The following PREX2 variants were observed in gnomAD, a reference collection of about 807,000 sequenced individuals.
PREX2 encodes the protein phosphatidylinositol-3,4,5-trisphosphate dependent Rac exchange factor 2.
Under a neutral mutation model 203.2 loss-of-function variants are expected in PREX2, and 107 were observed. The observed-to-expected ratio is 0.53, with a 90% confidence interval of 0.45 to 0.62. The LOEUF is 0.62. Among genes scored for constraint, PREX2 ranks in the 20% least tolerant of loss-of-function variants. The probability of loss-of-function intolerance (pLI) is 0.00; values close to 1 mark genes in which losing one functional copy is unlikely to be tolerated. For synonymous variants in PREX2, 672 were observed against 663.6 expected, an observed-to-expected ratio of 1.01 and a Z score of -0.19; for missense variants, 1,777 against 1,955.9, an observed-to-expected ratio of 0.91 and a Z score of 1.72.
intron 21 of PREX2, among the ~76,000 whole-genome samples, chr8:68,094,579 G>A (rs1809998533): frequency 6.6e-6 from 1 of 152,190 alleles, no homozygotes; most frequent in South Asian, 2.1e-4. Flanking sequence ...TTTTCTTGGT[G>A]TCTTTCCACT....
intron 39 of PREX2, among the ~76,000 whole-genome samples, chr8:68,227,375 T>C (rs1387423253): frequency 6.6e-6 from 1 of 152,120 alleles, no homozygotes; most frequent in Non-Finnish European, 1.5e-5. Context: ...GGTGGTTCTT[T>C]CCTCTGAGAC....
At chr8:68,159,763 A>G (rs940138867) in intron 35 of PREX2, among the ~76,000 whole-genome samples, 4 of 152,238 alleles carry the variant, frequency 2.6e-5, no homozygotes, top group African/African-American at 9.6e-5. Flanking sequence ...AAGAACCAGT[A>G]TATCTAATTA....
At chr8:68,025,270 A>G (rs550851617) in intron 4 of PREX2, among the ~76,000 whole-genome samples, 1 of 152,056 alleles carries the variant, frequency 6.6e-6, no homozygotes, top group East Asian at 1.9e-4. Flanking sequence ...ACTTGGACAT[A>G]GAACTTTTTG....
intron 33 of PREX2, among the ~76,000 whole-genome samples, chr8:68,146,003 G>A (rs1811318899): frequency 1.3e-5 from 2 of 151,906 alleles, no homozygotes; most frequent in Non-Finnish European, 2.9e-5. Context: ...TTATAATATA[G>A]TAACACATCC....
At chr8:68,168,496 C>T (rs138274878) in intron 35 of PREX2, among the ~76,000 whole-genome samples, 8 of 152,324 alleles carry the variant, frequency 5.3e-5, no homozygotes, top group Admixed American at 3.9e-4. Flanking sequence ...TTTAAATGTA[C>T]AATCTCCAGT....
chr8:68,074,126 C>T (rs558603173), intron 14 of PREX2, among the ~76,000 whole-genome samples: 1 of 152,144 alleles, frequency 6.6e-6, no homozygotes, highest in South Asian at 2.1e-4. Flanking sequence ...ACCGCTACAC[C>T]TGGCTAATTT....
At chr8:68,150,847 G>T (rs1439647956) in intron 34 of PREX2, among the ~76,000 whole-genome samples, 2 of 152,170 alleles carry the variant, frequency 1.3e-5, no homozygotes, top group Non-Finnish European at 2.9e-5. Flanking sequence ...CTGAAGGTCA[G>T]AAGTTGGAAA....
At chr8:68,006,275 G>T (rs1033084385) in intron 1 of PREX2, among the ~76,000 whole-genome samples, 1 of 152,106 alleles carries the variant, frequency 6.6e-6, no homozygotes, top group Non-Finnish European at 1.5e-5. Flanking sequence ...TGGGATGAAG[G>T]GAGGCACCAG....
At chr8:68,005,115 C>T (rs987383992) in intron 1 of PREX2, among the ~76,000 whole-genome samples, 3 of 152,164 alleles carry the variant, frequency 2.0e-5, no homozygotes, top group African/African-American at 7.2e-5. Flanking sequence ...GTGTTTCCTT[C>T]AACCCTGTCC....
At chr8:68,137,788 T>C (rs1811142446) in intron 32 of PREX2, among the ~76,000 whole-genome samples, 1 of 152,178 alleles carries the variant, frequency 6.6e-6, no homozygotes, top group Non-Finnish European at 1.5e-5. Context: ...TATAAAACTA[T>C]ATGCTATAAG....
At position 68,020,373 on chromosome 8, in the gene PREX2, G is replaced by A. The variant is rs549302935; in HGVS notation, c.336+702G>A. On this transcript the variant is annotated intron_variant, in intron 3 of 39. Transcript: ENST00000288368. ...AAAAAAGTATGCTGCTACGTATACC[G>A]TTACGCTGATGCTAATTTTGAGAAT... Among the ~76,000 whole-genome samples, 7 of 148,592 alleles carry A rather than the reference G, an allele frequency of 4.7e-5. No homozygotes were observed. In the South Asian group the frequency reaches 1.1e-3, roughly 23 times the overall value.
chr8:68,074,702 A>C (rs962906984), intron 14 of PREX2, among the ~76,000 whole-genome samples: 2 of 151,988 alleles, frequency 1.3e-5, no homozygotes, highest in African/African-American at 4.8e-5. Context: ...TTTGTTTTTC[A>C]TGTAAGGGTC....
chr8:68,080,037 A>G (rs1809465453), intron 15 of PREX2, among the ~76,000 whole-genome samples: 1 of 152,208 alleles, frequency 6.6e-6, no homozygotes, highest in Admixed American at 6.5e-5. Flanking sequence ...TGTGTGGGAT[A>G]TTAAAAACAT....
intron 1 of PREX2, among the ~76,000 whole-genome samples, chr8:68,014,660 A>T (rs1807362591): frequency 6.6e-6 from 1 of 152,216 alleles, no homozygotes; most frequent in Non-Finnish European, 1.5e-5. Flanking sequence ...TTGTATAGAA[A>T]CAACCACTGT....
At chr8:68,084,431 G>A (rs1809622566) in intron 18 of PREX2, among the ~76,000 whole-genome samples, 1 of 151,984 alleles carries the variant, frequency 6.6e-6, no homozygotes, top group Non-Finnish European at 1.5e-5. Flanking sequence ...ATATTTATAT[G>A]TAATATGTTT....
Position 68,192,411 on chromosome 8 carries a change from C to G in PREX2, c.4490C>G (p.Ala1497Gly). Residue 1497 changes from alanine to glycine, a missense_variant, in exon 37 of 40, where the codon GCC (alanine) becomes GGC (glycine). Ala to Gly is a moderately conservative substitution (Grantham distance 60). Coordinates refer to ENST00000288368, the MANE Select transcript of PREX2 (RefSeq NM_024870.4). ...TTTATCAGATCCAAGCGCACAGCTG[C>G]CTGTGCAAACACAGCTTGCAGTGCT... Reference protein sequence around the residue: ...ASFIRSKRTAACANTACSASG... With the variant: ...ASFIRSKRTAGCANTACSASG... The G allele has an allele frequency of 6.2e-7, 1 of 1,613,976 alleles. No homozygotes were observed. Among genetic ancestry groups the G allele is most frequent in the African/African-American group, 1.3e-5 (1 of 75,040 alleles).
At position 68,214,966 on chromosome 8, in the gene PREX2, G is replaced by T. The variant is rs560246037; in HGVS notation, c.4605-2650G>T. ...GGTTAGCATGAAAAGACAAATAAAGGTGCAGCCATCTGTTTTGGAAATGCT... is the reference window on the plus strand; with the variant it reads ...GGTTAGCATGAAAAGACAAATAAAGTTGCAGCCATCTGTTTTGGAAATGCT... On this transcript the variant is annotated intron_variant, in intron 37 of 39. Coordinates refer to ENST00000288368, the MANE Select transcript of PREX2 (RefSeq NM_024870.4). 9.9e-5 allele frequency among the ~76,000 whole-genome samples: 15 copies of T among 152,250 alleles called. No homozygotes were observed. In the South Asian group the frequency reaches 2.9e-3, roughly 29 times the overall value.
Position 68,205,367 on chromosome 8 carries a change from ATAACT to A in PREX2, c.4605-12245_4605-12241del, listed in dbSNP as rs1473277530. Reference sequence around the variant, plus strand: ...GCTGCTTCTGTCCTACAGGAAAATAATAACTTAAGTGTTTGGGTTTTTCACATTCT... The same window carrying A: ...GCTGCTTCTGTCCTACAGGAAAATAATAAGTGTTTGGGTTTTTCACATTCT... On this transcript the variant is annotated intron_variant, in intron 37 of 39. Transcript: ENST00000288368. Among the ~76,000 whole-genome samples the A allele has an allele frequency of 2.0e-5, 3 of 152,334 alleles. 1 individual carries two copies. The highest frequency in any genetic ancestry group is 4.1e-4 in the South Asian group (2 of 4,822).
intron 35 of PREX2, among the ~76,000 whole-genome samples, chr8:68,161,108 G>T (rs117383918): frequency 0.023 from 3,361 of 148,266 alleles, 57 homozygotes; most frequent in Non-Finnish European, 0.034. Context: ...TTTTTTTTTG[G>T]GGGGGGGACA....
Sources: gnomAD v4.1 joint callset for allele counts (sites outside exome capture counted in the v4.1 genomes callset) on GRCh38, gnomAD v4.1.1 for gene constraint, MANE v1.5 for transcripts, NCBI Gene and HGNC (gene_info 2026-07-23, HGNC 2026-07-21) for gene names.